Variants in MPDZ observed in about 807,000 individuals in gnomAD.
The protein encoded by MPDZ is multiple PDZ domain protein.
In MPDZ, 234 loss-of-function variants were observed where a neutral mutation model predicts 239.1. The ratio of observed to expected loss-of-function variants is 0.98; its 90% CI spans 0.88 to 1.09. The LOEUF is 1.09. Ranked by LOEUF, MPDZ falls within the 50% of genes least tolerant of loss-of-function variation. The pLI is 0.00. For missense variants in MPDZ, 3,175 were observed against 2,510.0 expected (o/e 1.26, Z -5.66); for synonymous variants, 1,048 against 881.3 (o/e 1.19, Z -3.35).
rs1384987715 is a variant in MPDZ at position 13,222,254 on chromosome 9, T to C, written c.726A>G (p.Thr242=). The C allele has an allele frequency of 6.2e-7, 1 of 1,612,402 alleles. No homozygotes were observed. The highest frequency in any genetic ancestry group is 8.5e-7 in the Non-Finnish European group (1 of 1,179,066). ...TCACCGGATTAGAGTGAGCTGAAAT[T>C]GTGCTGGCTGCAGATGGAGAACGGG... ...IVSRSPSAAS[T]ISAHSNPVHW... is the part of the protein sequence containing the mutation. The change falls in exon 6 of 47, where the codon ACA becomes ACG. Residue 242 remains threonine (T), a synonymous_variant. Coordinates refer to ENST00000319217, the MANE Select transcript of MPDZ (RefSeq NM_001378778.1).
In MPDZ at chr9:13,155,463, A is replaced by T. The variant is rs531714128; in HGVS notation, c.3452+2555T>A. Among the ~76,000 whole-genome samples the T allele has an allele frequency of 1.1e-3, 165 of 152,276 alleles. 1 individual carries two copies. The highest frequency in any genetic ancestry group is 3.8e-3 in the African/African-American group (157 of 41,560). On this transcript the variant is annotated intron_variant, in intron 24 of 46. Transcript: ENST00000319217. ...TGAATAAACTATGGTATATTCACATATTGAAATGCAACACAACAACTAAAT... is the reference window on the plus strand; with the variant it reads ...TGAATAAACTATGGTATATTCACATTTTGAAATGCAACACAACAACTAAAT...
chr9:13,136,820 T>C lies in MPDZ; in HGVS notation c.4201-17A>G. On this transcript the variant is annotated splice_polypyrimidine_tract_variant and intron_variant, in intron 29 of 46. Coordinates refer to ENST00000319217, the MANE Select transcript of MPDZ (RefSeq NM_001378778.1). ...ACCATTGATCTGTGAGAAATAAATA[T>C]CATTAGTTGGGCCTGAAATCTTAGT... 1 of 1,491,404 alleles carries C rather than the reference T, an allele frequency of 6.7e-7. No individual in the cohort carries two copies. The highest frequency in any genetic ancestry group is 9.2e-7 in the Non-Finnish European group (1 of 1,085,154). The allele number at this position is 1,491,404 out of a possible 1,614,324, so 92.4% of individuals were successfully genotyped here. A position where few individuals can be genotyped will look rare whatever the true frequency, so the allele number is the denominator to read the frequency against.
intron 24 of MPDZ, among the ~76,000 whole-genome samples, chr9:13,157,578 CTT>C (rs1259498526): frequency 5.3e-5 from 8 of 152,124 alleles, no homozygotes; most frequent in Non-Finnish European, 1.2e-4. Flanking sequence ...CAGATTATGA[CTT>C]AGGATAAACT....
At chr9:13,119,730 C>T (rs1299991571) in intron 38 of MPDZ, 81 bp from the exon 39 acceptor site, 2 of 1,554,574 alleles carry the variant, frequency 1.3e-6, no homozygotes, top group African/African-American at 1.4e-5. Context: ...TACGTTTTTA[C>T]CCAAAATTTT....
intron 3 of MPDZ, among the ~76,000 whole-genome samples, chr9:13,225,962 G>A (rs1451409389): frequency 1.3e-5 from 2 of 152,006 alleles, no homozygotes; most frequent in Non-Finnish European, 2.9e-5. Flanking sequence ...TCATAACCAT[G>A]AGTTTAACAG....
At chr9:13,271,618 C>T (rs1231765311) in intron 1 of MPDZ, among the ~76,000 whole-genome samples, 3 of 152,122 alleles carry the variant, frequency 2.0e-5, no homozygotes, top group African/African-American at 7.2e-5. Flanking sequence ...TTAAAAACAT[C>T]AATTAAATGT....
At chr9:13,119,424 T>C in intron 39 of MPDZ, 78 bp downstream of exon 39, 1 of 1,484,548 alleles carries the variant, frequency 6.7e-7, no homozygotes, top group Non-Finnish European at 9.1e-7. Context: ...CATTACTAAT[T>C]TGACTATGAT....
chr9:13,273,107 G>C (rs551777311), intron 1 of MPDZ, among the ~76,000 whole-genome samples: 1 of 152,236 alleles, frequency 6.6e-6, no homozygotes, highest in South Asian at 2.1e-4. Context: ...TCATCTATGA[G>C]GCCCTCACCA....
At chr9:13,139,765 G>C (rs997201645) in intron 28 of MPDZ, 2 of 542,980 alleles carry the variant, frequency 3.7e-6, no homozygotes, top group Non-Finnish European at 6.7e-6. Context: ...AAAAGGCAGA[G>C]TGAGCTTTAA....
At chr9:13,249,582 T>A (rs1449773759) in intron 2 of MPDZ, among the ~76,000 whole-genome samples, 1 of 152,100 alleles carries the variant, frequency 6.6e-6, no homozygotes, top group Non-Finnish European at 1.5e-5. Flanking sequence ...GACATCAAGG[T>A]ATCTGCCATA....
intron 12 of MPDZ, among the ~76,000 whole-genome samples, chr9:13,196,817 T>C (rs1187815701): frequency 2.0e-5 from 3 of 152,046 alleles, no homozygotes; most frequent in African/African-American, 7.2e-5. Flanking sequence ...ACAAATTTTG[T>C]AAACAATACT....
intron 10 of MPDZ, among the ~76,000 whole-genome samples, chr9:13,211,405 G>T (rs3780577): frequency 4.6e-4 from 70 of 151,788 alleles, no homozygotes; most frequent in African/African-American, 1.7e-3. Context: ...CAACACAAGA[G>T]GTTCTCAGAG....
rs755276577 is a variant in MPDZ at position 13,168,520 on chromosome 9, G to A, written c.3100C>T (p.Arg1034Ter). 1.8e-5 allele frequency: 29 copies of A among 1,612,562 alleles called. No homozygotes were observed. The Admixed American group carries it at 1.8e-4, about 10-fold the overall frequency. The change falls in exon 22 of 47, where the codon CGA (arginine) becomes TGA (stop). Residue 1034 changes from arginine to a stop codon, truncating the protein, a stop_gained. Transcript: ENST00000319217. LOFTEE classifies it high-confidence loss of function. ...ATGGCACCTCCATGAATAATGCTTC[G>A]AACGATCATCCCCAAGCCATCTTTA... is the stretch of plus-strand genomic sequence containing the variant. Reference protein sequence around the residue: ...ANKDGLGMIVRSIIHGGAISR... With the variant: ...ANKDGLGMIV
At chr9:13,193,111 C>A in intron 14 of MPDZ, 56 bp downstream of exon 14, 1 of 1,399,178 alleles carries the variant, frequency 7.1e-7, no homozygotes, top group Non-Finnish European at 9.4e-7. Flanking sequence ...ATTAAGCCTC[C>A]TGCAAGCTTT....
intron 35 of MPDZ, 48 bp from the exon 36 acceptor site, chr9:13,123,346 G>C (rs918785777): frequency 6.6e-7 from 1 of 1,511,134 alleles, no homozygotes; most frequent in Non-Finnish European, 9.0e-7. Context: ...GGTTACTAAG[G>C]CATATCCATC....
At chr9:13,226,057 A>G (rs918576813) in intron 3 of MPDZ, among the ~76,000 whole-genome samples, 6 of 152,004 alleles carry the variant, frequency 3.9e-5, no homozygotes, top group African/African-American at 7.2e-5. Flanking sequence ...AGCTGACATC[A>G]TAAGTGAGGG....
At position 13,115,254 on chromosome 9, in the gene MPDZ, G is replaced by T. The variant is rs1943210759; in HGVS notation, c.5460C>A (p.Ser1820Arg). Reference sequence around the variant, plus strand: ...GAACTCCACAGCTACCCACCTGGCTGCTTTGAGATGGCCTCCTCTCTGAAT... The same window carrying T: ...GAACTCCACAGCTACCCACCTGGCTTCTTTGAGATGGCCTCCTCTCTGAAT... ...PFHSERRPSQ[S>R]SQVSEGSLSS... is the part of the protein sequence containing the mutation. Residue 1820 changes from serine to arginine, a missense_variant, in exon 40 of 47, where the codon AGC becomes AGA. By Grantham distance (110) the Ser-to-Arg change is moderately radical (BLOSUM62 -1). Transcript: ENST00000319217. The T allele has an allele frequency of 6.2e-7, 1 of 1,612,256 alleles. No individual in the cohort carries two copies. The highest frequency in any genetic ancestry group is 1.1e-5 in the South Asian group (1 of 90,998).
intron 32 of MPDZ, among the ~76,000 whole-genome samples, chr9:13,132,110 C>T (rs1350204480): frequency 6.6e-6 from 1 of 152,160 alleles, no homozygotes; most frequent in African/African-American, 2.4e-5. Flanking sequence ...TGAGGTTCTC[C>T]AAGGTCTTGC....
At chr9:13,198,705 A>G (rs909253941) in intron 12 of MPDZ, among the ~76,000 whole-genome samples, 1 of 105,590 alleles carries the variant, frequency 9.5e-6, no homozygotes, top group Non-Finnish European at 2.2e-5. Flanking sequence ...CGTTTCCTTC[A>G]GTTCTTATAT....
Sources: gnomAD v4.1 joint callset for allele counts (sites outside exome capture counted in the v4.1 genomes callset) on GRCh38, gnomAD v4.1.1 for gene constraint, MANE v1.5 for transcripts, NCBI Gene and HGNC (gene_info 2026-07-23, HGNC 2026-07-21) for gene names.